PALLD: variants seen among roughly 807,000 people sequenced by gnomAD.
PALLD encodes palladin, cytoskeletal associated protein.
A neutral mutation model predicts 123.5 loss-of-function variants in PALLD; 61 were observed. That is an observed-to-expected ratio of 0.49 (90% CI 0.40 to 0.61). PALLD has a LOEUF of 0.61. Among genes scored for constraint, PALLD ranks in the 20% least tolerant of loss-of-function variants. The pLI, the probability that PALLD is intolerant of heterozygous loss-of-function variation, is 0.00. For missense variants in PALLD, 1,273 were observed against 1,377.0 expected, an observed-to-expected ratio of 0.92 and a Z score of 1.20; for synonymous variants, 465 against 496.4, an observed-to-expected ratio of 0.94 and a Z score of 0.84.
rs564958976 is a variant in PALLD, at chr4:168,804,628, A to G, written c.1965-86294A>G. On this transcript the variant is annotated intron_variant, in intron 10 of 21. Transcript: ENST00000505667. ...GACAGTTAAACAGTTGCAAAGACCT[A>G]TTTTCAGAGGCATGTACCCACACCT... Among the ~76,000 whole-genome samples, 3 of 152,266 alleles carry G rather than the reference A, an allele frequency of 2.0e-5. No individual in the cohort carries two copies. The South Asian group carries it at 6.2e-4, about 32-fold the overall frequency.
intron 2 of PALLD, among the ~76,000 whole-genome samples, chr4:168,611,355 C>G (rs1580570603): frequency 6.6e-6 from 1 of 152,292 alleles, no homozygotes. Flanking sequence ...ATAAATCACT[C>G]TCTGCTGAAC....
intron 10 of PALLD, among the ~76,000 whole-genome samples, chr4:168,819,238 A>AT: frequency 6.6e-6 from 1 of 152,338 alleles, no homozygotes; most frequent in South Asian, 2.1e-4. Context: ...AAATAGCAAA[A>AT]TGTCAATTAT....
intron 2 of PALLD, among the ~76,000 whole-genome samples, chr4:168,578,447 T>G (rs1170888053): frequency 5.3e-5 from 8 of 152,104 alleles, no homozygotes; most frequent in Non-Finnish European, 1.2e-4. Flanking sequence ...TCCCCCCTTT[T>G]GCGCGGTACT....
chr4:168,890,649 A>T (rs75867859), intron 10 of PALLD, among the ~76,000 whole-genome samples: 3,368 of 152,046 alleles, frequency 0.022, 126 homozygotes, highest in African/African-American at 0.074. Context: ...CCTCGCTAAG[A>T]CTTAAATGTA....
intron 2 of PALLD, among the ~76,000 whole-genome samples, chr4:168,532,864 A>T (rs537005301): frequency 6.6e-6 from 1 of 152,294 alleles, no homozygotes; most frequent in African/African-American, 2.4e-5. Context: ...TGCTGAAGAA[A>T]TACAGGAACC....
Position 168,898,590 on chromosome 4 carries a change from A to C in PALLD, c.2348A>C (p.Tyr783Ser). 6.2e-7 allele frequency: 1 copy of C among 1,613,674 alleles called. No homozygotes were observed. The highest frequency in any genetic ancestry group is 8.5e-7 in the Non-Finnish European group (1 of 1,179,526). Residue 783 changes from tyrosine to serine, a missense_variant, in exon 14 of 22, where the codon TAT becomes TCT. By Grantham distance (144) the Tyr-to-Ser change is moderately radical (BLOSUM62 -2). This residue lies in a region of PALLD where 944 missense variants were observed against 954.5 expected (regional missense o/e 0.99). Coordinates refer to ENST00000505667, the MANE Select transcript of PALLD (RefSeq NM_001166108.2). The part of the protein sequence containing the change: ...PVDESGDEVQ[Y>S]GDVPVENGMA... The stretch of plus-strand genomic sequence containing the variant: ...GATGAATCAGGTGATGAAGTTCAGT[A>C]TGGAGATGTGCCTGTGGAAAATGGA...
At chr4:168,529,425 C>A (rs1764395086) in intron 2 of PALLD, among the ~76,000 whole-genome samples, 1 of 152,080 alleles carries the variant, frequency 6.6e-6, no homozygotes, top group African/African-American at 2.4e-5. Context: ...AGCGCAAGTG[C>A]AGGGAGCCAG....
intron 10 of PALLD, among the ~76,000 whole-genome samples, chr4:168,761,658 T>TTTTTTTTTTTTG (rs1732923824): frequency 2.3e-5 from 1 of 43,072 alleles, no homozygotes; most frequent in Non-Finnish European, 5.3e-5. Context: ...TTTTTTTTTT[T>TTTTTTTTTTTTG]TTTTTTTTTT....
chr4:168,705,007 T>C (rs748957019), intron 8 of PALLD, among the ~76,000 whole-genome samples: 2 of 152,180 alleles, frequency 1.3e-5, no homozygotes, highest in Non-Finnish European at 2.9e-5. Context: ...AAATTTTAAT[T>C]CTATATTATA....
At chr4:168,618,894 T>C (rs1246812647) in intron 2 of PALLD, among the ~76,000 whole-genome samples, 1 of 152,260 alleles carries the variant, frequency 6.6e-6, no homozygotes, top group African/African-American at 2.4e-5. Context: ...GTACATTTTT[T>C]CTTCCACATG....
chr4:168,690,775 G>T, intron 7 of PALLD, 31 bp downstream of exon 7: 2 of 1,611,128 alleles, frequency 1.2e-6, no homozygotes, highest in South Asian at 2.2e-5. Flanking sequence ...CCCCAAATCT[G>T]ACCATTTTAT....
At chr4:168,682,424 C>T (rs1781634429) in intron 4 of PALLD, among the ~76,000 whole-genome samples, 1 of 152,204 alleles carries the variant, frequency 6.6e-6, no homozygotes, top group Non-Finnish European at 1.5e-5. Flanking sequence ...TCACAGCCAG[C>T]TACTTGACAA....
chr4:168,743,299 C>T lies in PALLD; in HGVS notation c.1964+31376C>T, dbSNP rs538391136. 7.2e-5 allele frequency among the ~76,000 whole-genome samples: 11 copies of T among 152,256 alleles called. No homozygotes were observed. The South Asian group carries it at 1.0e-3, about 14-fold the overall frequency. On this transcript the variant is annotated intron_variant, in intron 10 of 21. Transcript: ENST00000505667. ...CATCTGGATGCTTGATTACACCACG[C>T]GGCTATCATATTCTGAAGGAACATG...
chr4:168,805,029 G>C (rs1453407070), intron 10 of PALLD, among the ~76,000 whole-genome samples: 2 of 152,032 alleles, frequency 1.3e-5, no homozygotes, highest in Non-Finnish European at 2.9e-5. Flanking sequence ...CTTGGTGTCA[G>C]GTGCCTATAA....
chr4:168,887,553 G>A (rs985311823), intron 10 of PALLD, among the ~76,000 whole-genome samples: 2 of 152,206 alleles, frequency 1.3e-5, no homozygotes, highest in Non-Finnish European at 2.9e-5. Context: ...TCAGCACATA[G>A]TTGTTCTATG....
At chr4:168,811,776 TCA>T (rs58914714) in intron 10 of PALLD, among the ~76,000 whole-genome samples, 6,592 of 143,600 alleles carry the variant, frequency 0.046, 300 homozygotes, top group African/African-American at 0.13. Context: ...TCTCTCTCTC[TCA>T]CACACACACA....
At chr4:168,720,236 T>C (rs1785859742) in intron 10 of PALLD, among the ~76,000 whole-genome samples, 1 of 152,238 alleles carries the variant, frequency 6.6e-6, no homozygotes, top group Non-Finnish European at 1.5e-5. Context: ...ACAAATTTTG[T>C]AGAAGAATGG....
intron 10 of PALLD, among the ~76,000 whole-genome samples, chr4:168,769,775 C>T (rs2150492177): frequency 6.6e-6 from 1 of 152,248 alleles, no homozygotes. Context: ...GTTGAAAGGG[C>T]CAGAGGGCAG....
At chr4:168,624,648 G>A (rs750819443) in intron 2 of PALLD, among the ~76,000 whole-genome samples, 2 of 152,042 alleles carry the variant, frequency 1.3e-5, no homozygotes, top group South Asian at 2.1e-4. Context: ...AGAGCAGATG[G>A]TTAATCTTTA....
Sources: allele counts gnomAD v4.1 joint callset (sites outside exome capture counted in the v4.1 genomes callset), GRCh38; gene constraint gnomAD v4.1.1; regional missense constraint gnomAD v4.1.1; transcripts MANE v1.5; gene names NCBI Gene and HGNC (gene_info 2026-07-23, HGNC 2026-07-21).